NRXN3: variants seen among roughly 807,000 people sequenced by gnomAD.
NRXN3 encodes neurexin III.
A neutral mutation model predicts 137.6 loss-of-function variants in NRXN3; 32 were observed. The ratio of observed to expected loss-of-function variants is 0.23; its 90% CI spans 0.18 to 0.31. The LOEUF (loss-of-function observed/expected upper bound fraction) is 0.31. Ranked by LOEUF, NRXN3 falls within the 10% of genes least tolerant of loss-of-function variation. NRXN3 has a pLI of 1.00. For synonymous variants in NRXN3, 798 were observed against 784.5 expected (o/e 1.02, Z -0.29); for missense variants, 1,574 against 2,062.5 (o/e 0.76, Z 4.59).
intron 15 of NRXN3, among the ~76,000 whole-genome samples, chr14:79,358,062 T>C (rs1391508011): frequency 6.6e-6 from 1 of 152,216 alleles, no homozygotes; most frequent in Non-Finnish European, 1.5e-5. Context: ...GGAGACTGTG[T>C]AATCACTCTT....
At chr14:79,706,502 C>A (rs1179731873) in intron 19 of NRXN3, among the ~76,000 whole-genome samples, 3 of 140,330 alleles carry the variant, frequency 2.1e-5, no homozygotes, top group African/African-American at 8.0e-5. Flanking sequence ...AAATATGGGA[C>A]AATAAGTTGT....
At chr14:79,020,590 A>G (rs1163375421) in intron 15 of NRXN3, among the ~76,000 whole-genome samples, 2 of 151,776 alleles carry the variant, frequency 1.3e-5, no homozygotes, top group African/African-American at 2.4e-5. Flanking sequence ...AATTAAATAT[A>G]TGGCAGAGTT....
At chr14:79,839,041 T>G (rs761008578) in intron 20 of NRXN3, among the ~76,000 whole-genome samples, 11 of 152,134 alleles carry the variant, frequency 7.2e-5, no homozygotes, top group Non-Finnish European at 1.5e-4. Flanking sequence ...TGTCTGACTT[T>G]ATGGACAGAA....
At chr14:79,779,943 C>A in intron 19 of NRXN3, among the ~76,000 whole-genome samples, 1 of 152,138 alleles carries the variant, frequency 6.6e-6, no homozygotes, top group East Asian at 1.9e-4. Context: ...CAGCTTACAG[C>A]AACTTCCGCC....
intron 16 of NRXN3, among the ~76,000 whole-genome samples, chr14:79,527,158 G>T (rs2097127776): frequency 6.6e-6 from 1 of 151,926 alleles, no homozygotes; most frequent in Non-Finnish European, 1.5e-5. Flanking sequence ...GCCGGGCATG[G>T]TGGCAGAAGC....
At position 78,644,135 on chromosome 14, in the gene NRXN3, G is replaced by GAA. The variant is rs111868453; in HGVS notation, c.758-968_758-967dup. Among the ~76,000 whole-genome samples the GAA allele has an allele frequency of 2.3e-3, 95 of 42,044 alleles. 1 individual carries two copies. Among genetic ancestry groups the GAA allele is most frequent in the African/African-American group, 4.9e-3 (65 of 13,226 alleles). The allele number at this position is 42,044 out of a possible 152,430, so 27.6% of individuals were successfully genotyped here. A position where few individuals can be genotyped will look rare whatever the true frequency, so the allele number is the denominator to read the frequency against. On this transcript the variant is annotated intron_variant, in intron 4 of 20. Transcript: ENST00000335750. Reference sequence around the variant, plus strand: ...CAGCCTGGTGACAGAGCAAGACTCAGAAAAAAAAAAAAAAAAAAGGAAATA... The same window carrying GAA: ...CAGCCTGGTGACAGAGCAAGACTCAGAAAAAAAAAAAAAAAAAAAAGGAAATA...
intron 8 of NRXN3, among the ~76,000 whole-genome samples, chr14:78,725,993 T>C (rs1196589049): frequency 6.6e-6 from 1 of 152,144 alleles, no homozygotes; most frequent in Non-Finnish European, 1.5e-5. Flanking sequence ...CACCCAAGAA[T>C]ACGTTGAGGT....
chr14:78,956,092 G>A (rs1160435929), intron 10 of NRXN3, among the ~76,000 whole-genome samples: 2 of 152,066 alleles, frequency 1.3e-5, no homozygotes, highest in Admixed American at 6.5e-5. Context: ...TATCCATAGG[G>A]ATATATTAGC....
At chr14:78,480,915 T>G (rs1318631536) in intron 4 of NRXN3, among the ~76,000 whole-genome samples, 2 of 152,194 alleles carry the variant, frequency 1.3e-5, no homozygotes, top group Non-Finnish European at 2.9e-5. Context: ...TTTGTCTGTC[T>G]TTTCCCCTAC....
chr14:79,599,272 T>C (rs2097896672), intron 16 of NRXN3, among the ~76,000 whole-genome samples: 1 of 152,208 alleles, frequency 6.6e-6, no homozygotes, highest in Non-Finnish European at 1.5e-5. Flanking sequence ...TTGAAGATTC[T>C]AATTGCTCTT....
At chr14:79,441,108 A>T (rs977238756) in intron 15 of NRXN3, among the ~76,000 whole-genome samples, 9 of 152,190 alleles carry the variant, frequency 5.9e-5, no homozygotes, top group African/African-American at 2.2e-4. Context: ...GTTGTTACGG[A>T]TTATAGGTTT....
At chr14:79,107,458 A>G (rs952814841) in intron 15 of NRXN3, among the ~76,000 whole-genome samples, 5 of 152,186 alleles carry the variant, frequency 3.3e-5, no homozygotes, top group Admixed American at 6.6e-5. Flanking sequence ...TTAAGATATA[A>G]TTCCAAAAGC....
At chr14:79,627,624 T>C (rs1419708934) in intron 16 of NRXN3, among the ~76,000 whole-genome samples, 1 of 152,224 alleles carries the variant, frequency 6.6e-6, no homozygotes, top group African/African-American at 2.4e-5. Flanking sequence ...GTTTAATAAT[T>C]TGTTCAATGA....
At chr14:79,552,247 T>C (rs1195515341) in intron 16 of NRXN3, among the ~76,000 whole-genome samples, 1 of 152,212 alleles carries the variant, frequency 6.6e-6, no homozygotes, top group Non-Finnish European at 1.5e-5. Flanking sequence ...ACAGAGCTGC[T>C]TGACAGAAAA....
At chr14:78,998,820 T>C (rs564787587) in intron 15 of NRXN3, among the ~76,000 whole-genome samples, 1 of 148,870 alleles carries the variant, frequency 6.7e-6, no homozygotes, top group East Asian at 2.0e-4. Flanking sequence ...GCCAGGCTGG[T>C]CTTGAACTCC....
intron 16 of NRXN3, among the ~76,000 whole-genome samples, chr14:79,540,617 A>G (rs1262326808): frequency 1.3e-5 from 2 of 152,202 alleles, no homozygotes; most frequent in Non-Finnish European, 2.9e-5. Context: ...AAACAGGTAA[A>G]TCAGGATTAC....
chr14:78,446,130 C>T (rs1192386188), intron 4 of NRXN3, among the ~76,000 whole-genome samples: 1 of 152,174 alleles, frequency 6.6e-6, no homozygotes, highest in African/African-American at 2.4e-5. Context: ...ACAGTCTTCC[C>T]CACTTCTATA....
chr14:78,955,115 G>A (rs781090380), intron 10 of NRXN3, among the ~76,000 whole-genome samples: 81 of 152,232 alleles, frequency 5.3e-4, no homozygotes, highest in African/African-American at 1.7e-3. Context: ...TAAATAGCCC[G>A]TACTTGTAGC....
chr14:79,831,602 A>G (rs561970002), intron 20 of NRXN3, among the ~76,000 whole-genome samples: 1 of 152,236 alleles, frequency 6.6e-6, no homozygotes, highest in East Asian at 1.9e-4. Flanking sequence ...TGCCTGGAGA[A>G]AGCTATTTTG....
Sources: gnomAD v4.1 joint callset for allele counts (sites outside exome capture counted in the v4.1 genomes callset) on GRCh38, gnomAD v4.1.1 for gene constraint, MANE v1.5 for transcripts, NCBI Gene and HGNC (gene_info 2026-07-23, HGNC 2026-07-21) for gene names.